GALNT13: variants seen among roughly 807,000 people sequenced by gnomAD.
GALNT13 encodes UDP-GalNAc:polypeptide N-acetylgalactosaminyltransferase 13.
Under a neutral mutation model 64.2 loss-of-function variants are expected in GALNT13, and 28 were observed. The ratio of observed to expected loss-of-function variants is 0.44; its 90% CI spans 0.32 to 0.60. GALNT13 has a LOEUF of 0.60. GALNT13 is among the 20% of genes least tolerant of loss of function. The pLI, the probability that GALNT13 is intolerant of heterozygous loss-of-function variation, is 0.05. For missense variants in GALNT13, 577 were observed against 669.8 expected, an observed-to-expected ratio of 0.86 and a Z score of 1.53; for synonymous variants, 214 against 224.6, an observed-to-expected ratio of 0.95 and a Z score of 0.42.
At chr2:154,425,898 G>A (rs1012645658) in intron 11 of GALNT13, among the ~76,000 whole-genome samples, 2 of 152,150 alleles carry the variant, frequency 1.3e-5, no homozygotes, top group Non-Finnish European at 2.9e-5. Flanking sequence ...TGTCTCACAT[G>A]GTGAGAACAA....
intron 3 of GALNT13, among the ~76,000 whole-genome samples, chr2:153,968,705 G>A (rs1208550590): frequency 2.6e-5 from 4 of 152,182 alleles, no homozygotes; most frequent in East Asian, 3.9e-4. Flanking sequence ...TGGATTATTG[G>A]TATTGGATTA....
At chr2:153,686,573 A>T in the GALNT13 span, among the ~76,000 whole-genome samples, 5 of 152,016 alleles carry the variant, frequency 3.3e-5, no homozygotes, top group Admixed American at 3.3e-4. Context: ...ATATAGGAAC[A>T]CGTTGTCCAC....
In GALNT13 at chr2:154,007,684, G is replaced by A. The variant is rs80348273; in HGVS notation, c.142+63045G>A. ...ATGTTAGAGTATAGGATAAAGAGGC[G>A]ATGGTTGGGAGATAGAGAAGGGAAT... On this transcript the variant is annotated intron_variant, in intron 3 of 12. Transcript: ENST00000392825. Among the ~76,000 whole-genome samples, 94 of 152,038 alleles carry A rather than the reference G, an allele frequency of 6.2e-4. 2 individuals carry two copies. In the East Asian group the frequency reaches 0.016, roughly 27 times the overall value.
At chr2:154,068,527 C>T (rs1227777382) in intron 3 of GALNT13, among the ~76,000 whole-genome samples, 1 of 144,434 alleles carries the variant, frequency 6.9e-6, no homozygotes, top group African/African-American at 2.4e-5. Flanking sequence ...GAGTAATATT[C>T]ATCCATAAAA....
the GALNT13 span, among the ~76,000 whole-genome samples, chr2:153,261,429 T>C: frequency 1.3e-5 from 2 of 152,198 alleles, no homozygotes; most frequent in African/African-American, 4.8e-5. Flanking sequence ...TTAACCCTGT[T>C]GCTCTTGCAG....
chr2:154,378,225 G>C (rs750416340), intron 9 of GALNT13, among the ~76,000 whole-genome samples: 1 of 152,076 alleles, frequency 6.6e-6, no homozygotes. Flanking sequence ...GGAGGAGGCT[G>C]TTCTGCTATA....
the GALNT13 span, among the ~76,000 whole-genome samples, chr2:153,139,716 C>T: frequency 6.6e-6 from 1 of 151,984 alleles, no homozygotes; most frequent in Non-Finnish European, 1.5e-5. Context: ...GTGTCTGGCA[C>T]AGAGGGATAT....
At chr2:153,111,012 T>C in the GALNT13 span, among the ~76,000 whole-genome samples, 1 of 152,158 alleles carries the variant, frequency 6.6e-6, no homozygotes, top group Non-Finnish European at 1.5e-5. Context: ...TTTTTTCATC[T>C]GCTCTATCTC....
chr2:154,116,790 C>A (rs1395113585), intron 3 of GALNT13, among the ~76,000 whole-genome samples: 2 of 152,084 alleles, frequency 1.3e-5, no homozygotes, highest in Non-Finnish European at 2.9e-5. Context: ...ACCCCCGAAC[C>A]AATGAAAGAA....
chr2:153,858,382 G>A, the GALNT13 span, among the ~76,000 whole-genome samples: 10 of 152,166 alleles, frequency 6.6e-5, no homozygotes, highest in African/African-American at 2.4e-4. Flanking sequence ...TTTAAGCAGA[G>A]TGGTAATAAG....
chr2:153,529,590 C>T, the GALNT13 span, among the ~76,000 whole-genome samples: 1 of 151,884 alleles, frequency 6.6e-6, no homozygotes, highest in Admixed American at 6.6e-5. Flanking sequence ...GATATCAAAA[C>T]TAGACAAAGA....
chr2:153,810,526 CA>C, the GALNT13 span, among the ~76,000 whole-genome samples: 1 of 152,028 alleles, frequency 6.6e-6, no homozygotes, highest in Non-Finnish European at 1.5e-5. Flanking sequence ...CTTGCTTATA[CA>C]TTTGTTATTT....
chr2:153,183,818 A>G, the GALNT13 span, among the ~76,000 whole-genome samples: 1 of 151,998 alleles, frequency 6.6e-6, no homozygotes, highest in East Asian at 1.9e-4. Flanking sequence ...CTTTTGTTCC[A>G]TTGGTCTATG....
the GALNT13 span, among the ~76,000 whole-genome samples, chr2:153,553,225 G>C: frequency 3.3e-5 from 5 of 152,196 alleles, no homozygotes; most frequent in African/African-American, 1.2e-4. Context: ...TATGAAATTA[G>C]ATGTTGGCCA....
At chr2:153,487,095 G>A in the GALNT13 span, among the ~76,000 whole-genome samples, 1 of 152,178 alleles carries the variant, frequency 6.6e-6, no homozygotes, top group African/African-American at 2.4e-5. Context: ...ACATGAAGGA[G>A]AAATCATCCC....
chr2:154,438,736 T>C lies in GALNT13; in HGVS notation c.1530+10T>C. The C allele has an allele frequency of 6.3e-7, 1 of 1,583,610 alleles. No individual in the cohort carries two copies. The highest frequency in any genetic ancestry group is 1.2e-5 in the South Asian group (1 of 86,710). ...GGAATATGATGCTGAGGTATAGTATTTTCTTAATTTACTTATTATTTGATG... is the reference window on the plus strand; with the variant it reads ...GGAATATGATGCTGAGGTATAGTATCTTCTTAATTTACTTATTATTTGATG... On this transcript the variant is annotated intron_variant, in intron 12 of 12. Coordinates refer to ENST00000392825, the MANE Select transcript of GALNT13 (RefSeq NM_052917.4).
At chr2:154,355,741 C>A (rs577222785) in intron 9 of GALNT13, among the ~76,000 whole-genome samples, 42 of 152,078 alleles carry the variant, frequency 2.8e-4, no homozygotes, top group African/African-American at 1.0e-3. Context: ...GAGTACTTTC[C>A]CAATACCCAT....
At chr2:153,986,196 A>G (rs1574268554) in intron 3 of GALNT13, among the ~76,000 whole-genome samples, 1 of 152,028 alleles carries the variant, frequency 6.6e-6, no homozygotes, top group East Asian at 1.9e-4. Context: ...GTCAAATGGT[A>G]CATGCATTAA....
At chr2:153,100,179 G>A in the GALNT13 span, among the ~76,000 whole-genome samples, 1 of 152,184 alleles carries the variant, frequency 6.6e-6, no homozygotes, top group Non-Finnish European at 1.5e-5. Context: ...GAGTAGATGA[G>A]TTTAATTAAG....
Sources: gnomAD v4.1 joint callset for allele counts (sites outside exome capture counted in the v4.1 genomes callset) on GRCh38, gnomAD v4.1.1 for gene constraint, MANE v1.5 for transcripts, NCBI Gene and HGNC (gene_info 2026-07-23, HGNC 2026-07-21) for gene names.